RANBP2: variants seen among roughly 807,000 people sequenced by gnomAD.
RANBP2 encodes the protein RAN binding protein 2, also known as E3 SUMO-protein ligase RanBP2.
Under a neutral mutation model 303.6 loss-of-function variants are expected in RANBP2, and 57 were observed. That is an observed-to-expected ratio of 0.19 (90% CI 0.15 to 0.23). RANBP2 has a LOEUF of 0.23. Among genes scored for constraint, RANBP2 ranks in the 10% least tolerant of loss-of-function variants. The pLI is 1.00. For synonymous variants in RANBP2, 1,167 were observed against 1,301.5 expected (o/e 0.90, Z 2.23); for missense variants, 3,138 against 3,780.8 (o/e 0.83, Z 4.46).
the RANBP2 span, among the ~76,000 whole-genome samples, chr2:109,629,763 A>G: frequency 6.6e-6 from 1 of 152,060 alleles, no homozygotes; most frequent in Admixed American, 6.6e-5. Flanking sequence ...GTCAGCCGTG[A>G]TCACACCACT....
chr2:108,804,576 A>G, the RANBP2 span, among the ~76,000 whole-genome samples: 1 of 152,220 alleles, frequency 6.6e-6, no homozygotes. Flanking sequence ...CATGATGTCA[A>G]AGAAAATATT....
In RANBP2 at chr2:108,784,078, G is replaced by A. The variant is rs1339614811; in HGVS notation, c.*177G>A. On this transcript the variant is annotated 3_prime_UTR_variant, in exon 29 of 29. Transcript: ENST00000283195. ...TGTGTTATAATTGACCTTGCATGGT[G>A]TGAAATAAAAGTTTAAACACTGGTG... The A allele has an allele frequency of 1.6e-6, 1 of 631,142 alleles. No homozygotes were observed. The highest frequency in any genetic ancestry group is 2.7e-6 in the Non-Finnish European group (1 of 372,798). 39.1% of individuals were successfully genotyped at this position (631,142 alleles called of 1,614,324 possible).
chr2:108,847,351 T>C, the RANBP2 span, among the ~76,000 whole-genome samples: 4,480 of 152,322 alleles, frequency 0.029, 215 homozygotes, highest in African/African-American at 0.1. Flanking sequence ...TATGACTCTT[T>C]GCCCTACAGT....
At chr2:109,458,410 TTCTC>T in the RANBP2 span, among the ~76,000 whole-genome samples, 20 of 152,292 alleles carry the variant, frequency 1.3e-4, 1 homozygote, top group Middle Eastern at 0.014. Context: ...CTCTTATTTA[TTCTC>T]TCTTTCACTT....
At chr2:109,427,826 G>C in the RANBP2 span, among the ~76,000 whole-genome samples, 4 of 152,280 alleles carry the variant, frequency 2.6e-5, no homozygotes, top group African/African-American at 9.6e-5. Flanking sequence ...GGCTGAGCCA[G>C]ACCATGATGT....
intron 6 of RANBP2, among the ~76,000 whole-genome samples, chr2:108,736,529 T>G (rs1695597806): frequency 6.6e-6 from 1 of 152,212 alleles, no homozygotes; most frequent in Non-Finnish European, 1.5e-5. Context: ...TAGTCAAGCC[T>G]AAAATGAATG....
chr2:109,525,243 C>T, the RANBP2 span, among the ~76,000 whole-genome samples: 1 of 152,172 alleles, frequency 6.6e-6, no homozygotes, highest in South Asian at 2.1e-4. Context: ...CAACCTCTGC[C>T]TCCCGGGTTC....
chr2:109,378,807 A>G, the RANBP2 span, among the ~76,000 whole-genome samples: 1 of 152,158 alleles, frequency 6.6e-6, no homozygotes, highest in Admixed American at 6.5e-5. Flanking sequence ...TCCTGGCTTT[A>G]TGTGACCTCA....
the RANBP2 span, chr2:109,251,408 A>T: frequency 1.4e-6 from 1 of 696,260 alleles, no homozygotes; most frequent in Non-Finnish European, 2.7e-6. Flanking sequence ...CTGTGAGTGC[A>T]TGGAGTAGAC....
At chr2:109,064,472 C>G in the RANBP2 span, among the ~76,000 whole-genome samples, 1 of 129,344 alleles carries the variant, frequency 7.7e-6, no homozygotes. Context: ...AAAAAAAAAA[C>G]AAAAACAAAC....
the RANBP2 span, among the ~76,000 whole-genome samples, chr2:109,080,820 G>T: frequency 8.3e-4 from 127 of 152,266 alleles, no homozygotes; most frequent in African/African-American, 2.9e-3. Flanking sequence ...ACTAGTAGGG[G>T]GTTGTATTAA....
At chr2:109,166,407 G>A in the RANBP2 span, among the ~76,000 whole-genome samples, 3 of 151,616 alleles carry the variant, frequency 2.0e-5, no homozygotes, top group Admixed American at 2.0e-4. Flanking sequence ...AACGTGGGAG[G>A]CGGAGGTTGT....
At chr2:109,656,481 G>T in the RANBP2 span, among the ~76,000 whole-genome samples, 1 of 152,126 alleles carries the variant, frequency 6.6e-6, no homozygotes, top group African/African-American at 2.4e-5. Flanking sequence ...GGGATCACAG[G>T]TATGTGCCAC....
the RANBP2 span, among the ~76,000 whole-genome samples, chr2:109,610,679 G>A: frequency 1.3e-5 from 2 of 151,990 alleles, no homozygotes; most frequent in African/African-American, 4.8e-5. Flanking sequence ...TCATGCTATT[G>A]AACTCCAGCC....
At chr2:109,237,598 G>T in the RANBP2 span, among the ~76,000 whole-genome samples, 42,689 of 151,994 alleles carry the variant, frequency 0.28, 7,312 homozygotes, top group Non-Finnish European at 0.39. Context: ...TGAGATTTTT[G>T]TGTGTGTGAA....
chr2:108,888,342 G>A, the RANBP2 span, among the ~76,000 whole-genome samples: 1 of 151,966 alleles, frequency 6.6e-6, no homozygotes, highest in Non-Finnish European at 1.5e-5. Context: ...TTCTTGTTAT[G>A]TCTTTGTCTG....
the RANBP2 span, among the ~76,000 whole-genome samples, chr2:108,901,131 T>C: frequency 2.0e-5 from 3 of 152,170 alleles, no homozygotes; most frequent in Admixed American, 2.0e-4. Flanking sequence ...ATTAAAAGAA[T>C]TGAAATTATA....
At chr2:109,371,297 G>A in the RANBP2 span, among the ~76,000 whole-genome samples, 2 of 152,360 alleles carry the variant, frequency 1.3e-5, no homozygotes, top group South Asian at 4.1e-4. Context: ...GGCTGAGGCA[G>A]GAGAATCGCT....
intron 7 of RANBP2, among the ~76,000 whole-genome samples, chr2:108,746,212 T>TA (rs1240934872): frequency 7.2e-6 from 1 of 138,834 alleles, no homozygotes; most frequent in Non-Finnish European, 1.6e-5. Context: ...CTGGCCCTTT[T>TA]TTTTTTTTTT....
Sources: allele counts gnomAD v4.1 joint callset (sites outside exome capture counted in the v4.1 genomes callset), GRCh38; gene constraint gnomAD v4.1.1; transcripts MANE v1.5; gene names NCBI Gene and HGNC (gene_info 2026-07-23, HGNC 2026-07-21).